KLF8: variants seen among roughly 807,000 people sequenced by gnomAD.
KLF8 encodes the protein Krueppel-like factor 8.
A neutral mutation model predicts 18.2 loss-of-function variants in KLF8; 10 were observed. The ratio of observed to expected loss-of-function variants is 0.55; its 90% confidence interval spans 0.34 to 0.93. The LOEUF is 0.93. KLF8 is among the 40% of genes least tolerant of loss of function. The pLI is 0.02. For synonymous variants in KLF8, 109 were observed against 97.3 expected, an observed-to-expected ratio of 1.12 and a Z score of -0.71; for missense variants, 264 against 277.9, an observed-to-expected ratio of 0.95 and a Z score of 0.36.
upstream of KLF8, among the ~76,000 whole-genome samples, chrX:56,227,817 G>A (rs1200875737): frequency 9.3e-6 from 1 of 108,098 alleles, no homozygotes; most frequent in Non-Finnish European, 1.9e-5. Flanking sequence ...TGGGTGTGGT[G>A]GTATCTAGGG....
chrX:56,190,142 A>G, the KLF8 span, among the ~76,000 whole-genome samples: 1 of 111,640 alleles, frequency 9.0e-6, no homozygotes, highest in East Asian at 2.8e-4. Context: ...GGAAAATTAT[A>G]TTGCATGCCA....
the KLF8 span, among the ~76,000 whole-genome samples, chrX:56,172,937 G>T: frequency 9.0e-6 from 1 of 111,518 alleles, no homozygotes; most frequent in Non-Finnish European, 1.9e-5. Flanking sequence ...TCCTTTGCCT[G>T]GTTTTTGATG....
At chrX:55,991,872 T>C in the KLF8 span, among the ~76,000 whole-genome samples, 1 of 112,791 alleles carries the variant, frequency 8.9e-6, no homozygotes, top group Admixed American at 9.4e-5. Flanking sequence ...TAGTATTTTT[T>C]CATATGCTTC....
chrX:56,192,936 C>T, the KLF8 span, among the ~76,000 whole-genome samples: 1 of 112,365 alleles, frequency 8.9e-6, no homozygotes, highest in African/African-American at 3.2e-5. Flanking sequence ...TCTTACTACA[C>T]AAACACAGGT....
At chrX:56,213,310 TTTTC>T in the KLF8 span, among the ~76,000 whole-genome samples, 2,516 of 33,869 alleles carry the variant, frequency 0.074, 386 homozygotes, top group Non-Finnish European at 0.11. Flanking sequence ...TTTTCTTTTC[TTTTC>T]TTTTTTTTTT....
the KLF8 span, among the ~76,000 whole-genome samples, chrX:55,984,355 G>A: frequency 9.0e-6 from 1 of 111,233 alleles, no homozygotes; most frequent in East Asian, 2.8e-4. Flanking sequence ...GAGAACATAT[G>A]GTATTTGGCT....
intron 3 of KLF8, 153 bp from the exon 4 acceptor site, chrX:56,269,225 T>C: frequency 1.9e-6 from 2 of 1,051,875 alleles, no homozygotes; most frequent in South Asian, 5.8e-5. Flanking sequence ...TTCTCTTCCT[T>C]CCATGCAAAT....
At chrX:56,055,469 G>C in the KLF8 span, among the ~76,000 whole-genome samples, 19 of 111,732 alleles carry the variant, frequency 1.7e-4, no homozygotes, top group Middle Eastern at 4.6e-3. Flanking sequence ...TAGGTGACCT[G>C]ACCTTGTTTT....
Position 56,285,779 on chromosome X carries a change from C to CA in KLF8, c.*1289dup, listed in dbSNP as rs1292129875. 9 of 111,582 alleles carry CA rather than the reference C, an allele frequency of 8.1e-5. No homozygotes were observed. Among genetic ancestry groups the CA allele is most frequent in the African/African-American group, 2.6e-4 (8 of 30,707 alleles). The allele number at this position is 111,582 out of a possible 1,213,427, so 9.2% of individuals were successfully genotyped here. The stretch of plus-strand genomic sequence containing the variant: ...TTGTTTTATAATATTACCTGGGGTA[C>CA]AAAATCCTCTGTTCCTGGCCCTGGA... On this transcript the variant is annotated 3_prime_UTR_variant, in exon 6 of 6. Coordinates refer to ENST00000468660, the MANE Select transcript of KLF8 (RefSeq NM_007250.5).
intron 5 of KLF8, among the ~76,000 whole-genome samples, chrX:56,277,585 C>T (rs1431335123): frequency 1.8e-5 from 2 of 112,125 alleles, no homozygotes; most frequent in Non-Finnish European, 1.9e-5. Flanking sequence ...ACCACTCGGA[C>T]GTGCTAGGTC....
At chrX:56,090,039 A>C in the KLF8 span, among the ~76,000 whole-genome samples, 1 of 111,930 alleles carries the variant, frequency 8.9e-6, no homozygotes, top group Non-Finnish European at 1.9e-5. Flanking sequence ...GAAATACTCA[A>C]CTCCAGCTCC....
At chrX:56,209,890 TAAAC>T in the KLF8 span, among the ~76,000 whole-genome samples, 5 of 112,099 alleles carry the variant, frequency 4.5e-5, no homozygotes, top group African/African-American at 6.5e-5. Flanking sequence ...ACTGTTTCCA[TAAAC>T]AAACAAACAA....
chrX:56,061,058 C>T, the KLF8 span, among the ~76,000 whole-genome samples: 17 of 110,141 alleles, frequency 1.5e-4, no homozygotes, highest in South Asian at 7.5e-4. Flanking sequence ...TCTCTCTTTT[C>T]TTCTTTATTA....
intron 4 of KLF8, 30 bp downstream of exon 4, chrX:56,269,519 TTGTG>T: frequency 9.0e-7 from 1 of 1,113,211 alleles, no homozygotes; most frequent in Non-Finnish European, 1.2e-6. Context: ...AAGTCTGTCT[TTGTG>T]TATGTGTGTG....
At chrX:56,218,242 C>A in the KLF8 span, among the ~76,000 whole-genome samples, 8 of 110,558 alleles carry the variant, frequency 7.2e-5, no homozygotes, top group South Asian at 3.2e-3. Flanking sequence ...TGTAAACTCA[C>A]CCCTACTACA....
the KLF8 span, among the ~76,000 whole-genome samples, chrX:56,164,091 A>G: frequency 7.4e-5 from 4 of 54,053 alleles, no homozygotes; most frequent in African/African-American, 2.6e-4. Flanking sequence ...GTTTGGTTCC[A>G]TATGAATTTT....
chrX:56,182,099 A>G, the KLF8 span, among the ~76,000 whole-genome samples: 1 of 111,785 alleles, frequency 8.9e-6, no homozygotes, highest in Admixed American at 9.5e-5. Context: ...CAGGTACACC[A>G]GTCAGACATA....
chrX:56,203,856 G>A, the KLF8 span, among the ~76,000 whole-genome samples: 1 of 111,154 alleles, frequency 9.0e-6, no homozygotes, highest in Non-Finnish European at 1.9e-5. Flanking sequence ...CAGGTAATGT[G>A]ATTTCTTTGG....
chrX:56,235,878 CTCA>C (rs1434193918), intron 1 of KLF8, among the ~76,000 whole-genome samples: 1 of 112,023 alleles, frequency 8.9e-6, no homozygotes, highest in Admixed American at 9.5e-5. Context: ...AAGTTGCGGT[CTCA>C]TCATTTTTGT....
Sources: gnomAD v4.1 joint callset for allele counts (sites outside exome capture counted in the v4.1 genomes callset) on GRCh38, gnomAD v4.1.1 for gene constraint, MANE v1.5 for transcripts, NCBI Gene and HGNC (gene_info 2026-07-23, HGNC 2026-07-21) for gene names.